The following POU3F3 variants were observed in gnomAD, a reference collection of about 807,000 sequenced individuals.
POU3F3 encodes the protein POU class 3 homeobox 3.
A neutral mutation model predicts 8.6 loss-of-function variants in POU3F3; 1 was observed. The observed-to-expected ratio is 0.12, with a 90% CI of 0.04 to 0.55. The LOEUF (loss-of-function observed/expected upper bound fraction) is 0.55, where lower values mean the gene tolerates loss of function less well. Ranked by LOEUF, POU3F3 falls within the 20% of genes least tolerant of loss-of-function variation. The pLI is 0.91. For missense variants in POU3F3, 577 were observed against 690.7 expected (o/e 0.84, Z 1.84); for synonymous variants, 418 against 327.4 (o/e 1.28, Z -2.99).
chr2:104,868,748 C>A, the POU3F3 span, among the ~76,000 whole-genome samples: 1 of 152,228 alleles, frequency 6.6e-6, no homozygotes, highest in Non-Finnish European at 1.5e-5. Context: ...TGACACAAGC[C>A]CCCACCCCTG....
the POU3F3 span, among the ~76,000 whole-genome samples, chr2:104,896,181 A>T: frequency 6.6e-6 from 1 of 152,210 alleles, no homozygotes; most frequent in African/African-American, 2.4e-5. Flanking sequence ...GAAGGACTCC[A>T]TAGTCTCTAG....
At chr2:104,875,576 A>AT in the POU3F3 span, among the ~76,000 whole-genome samples, 28 of 150,226 alleles carry the variant, frequency 1.9e-4, no homozygotes, top group African/African-American at 5.8e-4. Context: ...GTTTTGAAAC[A>AT]TTTTTTTTTT....
At chr2:104,901,179 T>C in the POU3F3 span, among the ~76,000 whole-genome samples, 1 of 152,226 alleles carries the variant, frequency 6.6e-6, no homozygotes, top group Non-Finnish European at 1.5e-5. Context: ...ATCACTGCCC[T>C]GTGCCACTGG....
At chr2:104,901,854 TGTAA>T in the POU3F3 span, among the ~76,000 whole-genome samples, 1 of 152,336 alleles carries the variant, frequency 6.6e-6, no homozygotes, top group Non-Finnish European at 1.5e-5. Context: ...CAAGTCGCTG[TGTAA>T]GTAAGAAATA....
the POU3F3 span, among the ~76,000 whole-genome samples, chr2:104,913,979 A>T: frequency 6.6e-6 from 1 of 152,222 alleles, no homozygotes; most frequent in African/African-American, 2.4e-5. Context: ...CCCCTGGAAG[A>T]TACAGAAAAG....
chr2:104,922,330 G>A, the POU3F3 span, among the ~76,000 whole-genome samples: 12 of 140,672 alleles, frequency 8.5e-5, no homozygotes, highest in Non-Finnish European at 1.7e-4. Context: ...AGCCATCCTG[G>A]AGAAAGACCA....
At chr2:104,905,427 C>T in the POU3F3 span, among the ~76,000 whole-genome samples, 3 of 152,170 alleles carry the variant, frequency 2.0e-5, no homozygotes, top group Non-Finnish European at 4.4e-5. Context: ...TCAGATTTTA[C>T]TTACATATGT....
chr2:104,900,808 C>A, the POU3F3 span, among the ~76,000 whole-genome samples: 1 of 152,278 alleles, frequency 6.6e-6, no homozygotes, highest in East Asian at 1.9e-4. Context: ...TTTCAGCCTG[C>A]GCCAAGTGGC....
the POU3F3 span, among the ~76,000 whole-genome samples, chr2:104,897,112 A>T: frequency 2.0e-5 from 3 of 152,350 alleles, no homozygotes; most frequent in African/African-American, 7.2e-5. Flanking sequence ...AGGAATTGGG[A>T]AGGGGAGTTA....
At chr2:104,862,405 G>A (rs1676675283), downstream of POU3F3, among the ~76,000 whole-genome samples, 1 of 152,258 alleles carries the variant, frequency 6.6e-6, no homozygotes, top group African/African-American at 2.4e-5. Context: ...GAAATTCGCA[G>A]TCTGGACCCC....
chr2:104,876,673 C>T, the POU3F3 span, among the ~76,000 whole-genome samples: 29 of 152,130 alleles, frequency 1.9e-4, no homozygotes, highest in Admixed American at 4.6e-4. Context: ...TAAATGTAAA[C>T]GACTGTGGAG....
chr2:104,925,945 T>C, the POU3F3 span: 1 of 152,256 alleles, frequency 6.6e-6, no homozygotes, highest in Non-Finnish European at 1.5e-5. Context: ...CAAATGTTTA[T>C]TTCTTACAGT....
the POU3F3 span, among the ~76,000 whole-genome samples, chr2:104,864,928 G>T: frequency 4.5e-3 from 689 of 152,334 alleles, 1 homozygote; most frequent in Non-Finnish European, 7.5e-3. Flanking sequence ...TAGTTGACAC[G>T]TGCGTGTGTG....
At chr2:104,896,506 T>C in the POU3F3 span, among the ~76,000 whole-genome samples, 4 of 152,226 alleles carry the variant, frequency 2.6e-5, no homozygotes, top group Non-Finnish European at 5.9e-5. Context: ...AACACCTGCA[T>C]TGTTCACCCA....
chr2:104,856,086 TGCCGCAGCCGCAGCC>T lies in POU3F3; in HGVS notation c.582_596del (p.Ala200_Ala204del). 1 of 1,015,864 alleles carries T rather than the reference TGCCGCAGCCGCAGCC, an allele frequency of 9.8e-7. No homozygotes were observed. Among genetic ancestry groups the T allele is most frequent in the Non-Finnish European group, 1.2e-6 (1 of 861,336 alleles). 62.9% of individuals were successfully genotyped at this position (1,015,864 alleles called of 1,614,324 possible). On this transcript the variant is annotated inframe_deletion, in exon 1 of 1. Coordinates refer to ENST00000361360, the MANE Select transcript of POU3F3 (RefSeq NM_006236.3). Reference sequence around the variant, plus strand: ...CTGGGGGCTGGGGGGCGGCCGCCGCTGCCGCAGCCGCAGCCGCCGCCGCCGCCGCCGCCGCGCACC... The same window carrying T: ...CTGGGGGCTGGGGGGCGGCCGCCGCTGCCGCCGCCGCCGCCGCCGCGCACC...
At chr2:104,881,134 C>CTTTCTTTCTTTCTTTCTTTCT in the POU3F3 span, among the ~76,000 whole-genome samples, 1 of 149,420 alleles carries the variant, frequency 6.7e-6, no homozygotes, top group African/African-American at 2.5e-5. Flanking sequence ...TTCTTTCTTT[C>CTTTCTTTCTTTCTTTCTTTCT]TTTCTTTCTT....
chr2:104,895,546 A>T, the POU3F3 span, among the ~76,000 whole-genome samples: 3 of 152,346 alleles, frequency 2.0e-5, no homozygotes, highest in Admixed American at 2.0e-4. Flanking sequence ...GTCTGATACT[A>T]CGGAAGCCAC....
chr2:104,868,002 G>T, the POU3F3 span: 8 of 344,774 alleles, frequency 2.3e-5, no homozygotes, highest in Non-Finnish European at 4.6e-5. Flanking sequence ...GGGTAACCCT[G>T]GGCCCCGACC....
At chr2:104,916,085 A>G in the POU3F3 span, among the ~76,000 whole-genome samples, 1 of 152,232 alleles carries the variant, frequency 6.6e-6, no homozygotes, top group Non-Finnish European at 1.5e-5. Context: ...ACATGATGAA[A>G]CAATTTTAAT....
Sources: gnomAD v4.1 joint callset for allele counts (sites outside exome capture counted in the v4.1 genomes callset) on GRCh38, gnomAD v4.1.1 for gene constraint, MANE v1.5 for transcripts, NCBI Gene and HGNC (gene_info 2026-07-23, HGNC 2026-07-21) for gene names.